The following PLEKHH2 variants were observed in gnomAD, a reference collection of about 807,000 sequenced individuals.
PLEKHH2 encodes the protein pleckstrin homology domain-containing family H member 2.
Under a neutral mutation model 187.9 loss-of-function variants are expected in PLEKHH2, and 129 were observed. The observed-to-expected ratio is 0.69, with a 90% CI of 0.59 to 0.79. The LOEUF (loss-of-function observed/expected upper bound fraction) is 0.79, where lower values mean the gene tolerates loss of function less well. Among genes scored for constraint, PLEKHH2 ranks in the 30% least tolerant of loss-of-function variants. The pLI is 0.00. For missense variants in PLEKHH2, 2,076 were observed against 1,751.2 expected (o/e 1.19, Z -3.31); for synonymous variants, 686 against 605.6 (o/e 1.13, Z -1.95).
Position 43,757,121 on chromosome 2 carries a change from A to G in PLEKHH2, c.3798A>G (p.Val1266=), listed in dbSNP as rs1218246306. Residue 1266 remains valine, a splice_region_variant and synonymous_variant, in exon 26 of 30, where the codon GTA becomes GTG. Coordinates refer to ENST00000282406, the MANE Select transcript of PLEKHH2 (RefSeq NM_172069.4). ...ALEMAALLSQ[V]EIGDFERPFS... ...CACTTTTGTGGATTTCCAATTAGGT[A>G]GAGATTGGAGATTTTGAAAGACCTT... The G allele has an allele frequency of 6.4e-7, 1 of 1,570,996 alleles. No individual in the cohort carries two copies. Among genetic ancestry groups the G allele is most frequent in the Non-Finnish European group, 8.6e-7 (1 of 1,164,070 alleles).
intron 24 of PLEKHH2, among the ~76,000 whole-genome samples, chr2:43,750,887 G>A (rs1211803562): frequency 6.6e-6 from 1 of 152,136 alleles, no homozygotes; most frequent in African/African-American, 2.4e-5. Context: ...GAATCTTCCA[G>A]TTTATAGGGA....
At chr2:43,754,196 AC>A (rs879664457) in intron 25 of PLEKHH2, among the ~76,000 whole-genome samples, 3,886 of 116,598 alleles carry the variant, frequency 0.033, 114 homozygotes, top group African/African-American at 0.096. Context: ...ACACACACAC[AC>A]ACACACACAA....
At chr2:43,738,090 T>G (rs946006641) in intron 19 of PLEKHH2, among the ~76,000 whole-genome samples, 4 of 152,228 alleles carry the variant, frequency 2.6e-5, no homozygotes, top group Admixed American at 2.6e-4. Context: ...TTGTTATGTC[T>G]TCTAGATGAA....
intron 9 of PLEKHH2, among the ~76,000 whole-genome samples, chr2:43,704,592 G>A (rs1279855127): frequency 6.6e-6 from 1 of 150,486 alleles, no homozygotes; most frequent in African/African-American, 2.4e-5. Flanking sequence ...GAACCGAGGA[G>A]GTGGAGCTTT....
intron 15 of PLEKHH2, among the ~76,000 whole-genome samples, chr2:43,717,847 T>C (rs146616721): frequency 2.0e-5 from 3 of 152,342 alleles, no homozygotes; most frequent in African/African-American, 7.2e-5. Flanking sequence ...GTGAATTATT[T>C]AAACATATAA....
intron 15 of PLEKHH2, among the ~76,000 whole-genome samples, chr2:43,717,734 T>C (rs1342289505): frequency 1.3e-5 from 2 of 152,232 alleles, no homozygotes; most frequent in East Asian, 3.8e-4. Context: ...TTACCACCTG[T>C]GTGACCTTGA....
chr2:43,694,531 G>A lies in PLEKHH2; in HGVS notation c.420+17G>A. On this transcript the variant is annotated intron_variant, in intron 5 of 29. Transcript: ENST00000282406. ...TTAAATGAGGTATTTATTGCTATAT[G>A]TTTTCCTTTTCTTTACCTTTTACTT... is the stretch of plus-strand genomic sequence containing the variant. The A allele has an allele frequency of 6.6e-7, 1 of 1,523,152 alleles. No individual in the cohort carries two copies. Among genetic ancestry groups the A allele is most frequent in the Non-Finnish European group, 8.8e-7 (1 of 1,130,976 alleles). 94.4% of individuals were successfully genotyped at this position (1,523,152 alleles called of 1,614,324 possible). A position where few individuals can be genotyped will look rare whatever the true frequency, so the allele number is the denominator to read the frequency against.
At chr2:43,679,969 T>G (rs2104429949) in intron 3 of PLEKHH2, among the ~76,000 whole-genome samples, 1 of 152,078 alleles carries the variant, frequency 6.6e-6, no homozygotes, top group East Asian at 1.9e-4. Flanking sequence ...CTCAGACAAC[T>G]TTTATTATTT....
At chr2:43,682,261 T>C (rs1371413975) in intron 3 of PLEKHH2, among the ~76,000 whole-genome samples, 1 of 152,212 alleles carries the variant, frequency 6.6e-6, no homozygotes, top group Non-Finnish European at 1.5e-5. Context: ...TAGCTAATAA[T>C]TGCTTCTGTG....
intron 29 of PLEKHH2, 146 bp from the exon 30 acceptor site, chr2:43,765,267 G>C: frequency 1.5e-6 from 1 of 666,728 alleles, no homozygotes. Flanking sequence ...GGACATGTAA[G>C]CACTTCATTG....
At chr2:43,744,296 TTTTCC>T (rs1485387770) in intron 23 of PLEKHH2, among the ~76,000 whole-genome samples, 1 of 152,238 alleles carries the variant, frequency 6.6e-6, no homozygotes, top group African/African-American at 2.4e-5. Context: ...CTTTCCATTT[TTTTCC>T]ATTTATTCAG....
rs145065965 is a variant in PLEKHH2 at position 43,679,372 on chromosome 2, T to G, written c.186+447T>G. On this transcript the variant is annotated intron_variant, in intron 3 of 29. Transcript: ENST00000282406. ...GATTTGCATTAATATGTAAAAATGC[T>G]TAGAGTTGTATTAGGAAAAGTCAAA... 434 of 234,700 alleles carry G rather than the reference T, an allele frequency of 1.8e-3. 4 individuals carry two copies. The highest frequency in any genetic ancestry group is 9.7e-3 in the African/African-American group (405 of 41,548). 14.5% of individuals were successfully genotyped at this position (234,700 alleles called of 1,614,324 possible).
chr2:43,747,526 G>T (rs1671832284), intron 24 of PLEKHH2, among the ~76,000 whole-genome samples: 1 of 152,198 alleles, frequency 6.6e-6, no homozygotes. Context: ...AGACTCCGGA[G>T]CACACACCTT....
chr2:43,756,552 G>A (rs560275142), intron 25 of PLEKHH2, among the ~76,000 whole-genome samples: 4 of 152,258 alleles, frequency 2.6e-5, no homozygotes, highest in African/African-American at 9.6e-5. Flanking sequence ...CAATAACAAA[G>A]TAGTGACCTT....
At chr2:43,754,510 G>A (rs1672135638) in intron 25 of PLEKHH2, among the ~76,000 whole-genome samples, 1 of 152,158 alleles carries the variant, frequency 6.6e-6, no homozygotes, top group South Asian at 2.1e-4. Flanking sequence ...TAGTCACATG[G>A]CCTTGCCTAC....
chr2:43,725,974 T>A (rs1278025932), intron 16 of PLEKHH2, among the ~76,000 whole-genome samples: 2 of 151,534 alleles, frequency 1.3e-5, no homozygotes, highest in Non-Finnish European at 2.9e-5. Context: ...TTTAATTAGC[T>A]GGGCATGGTG....
At chr2:43,693,262 C>G (rs545873778) in intron 4 of PLEKHH2, among the ~76,000 whole-genome samples, 1 of 152,280 alleles carries the variant, frequency 6.6e-6, no homozygotes, top group Admixed American at 6.5e-5. Flanking sequence ...AAGTTGGGAA[C>G]ATTTGGTTAT....
chr2:43,744,977 A>G (rs1469214043), intron 23 of PLEKHH2, among the ~76,000 whole-genome samples: 2 of 152,120 alleles, frequency 1.3e-5, no homozygotes, highest in South Asian at 4.2e-4. Context: ...AGATCATAGT[A>G]AAATAACTTT....
chr2:43,704,794 A>T (rs1418890443), intron 9 of PLEKHH2, among the ~76,000 whole-genome samples: 1 of 152,086 alleles, frequency 6.6e-6, no homozygotes, highest in African/African-American at 2.4e-5. Flanking sequence ...TAAATGTCTA[A>T]ATTCATTGGA....
Sources: allele counts gnomAD v4.1 joint callset (sites outside exome capture counted in the v4.1 genomes callset), GRCh38; gene constraint gnomAD v4.1.1; transcripts MANE v1.5; gene names NCBI Gene and HGNC (gene_info 2026-07-23, HGNC 2026-07-21).